SLC25A17: variants seen among roughly 807,000 people sequenced by gnomAD.
The protein encoded by SLC25A17 is peroxisomal membrane protein PMP34.
SLC25A17 carries 26 observed loss-of-function variants against 38.5 expected under a neutral mutation model. The ratio of observed to expected loss-of-function variants is 0.68; its 90% CI spans 0.50 to 0.94. The LOEUF (loss-of-function observed/expected upper bound fraction) is 0.94, where lower values mean the gene tolerates loss of function less well. Ranked by LOEUF, SLC25A17 falls within the 40% of genes least tolerant of loss-of-function variation. The pLI, the probability that SLC25A17 is intolerant of heterozygous loss-of-function variation, is 0.00. For missense variants in SLC25A17, 333 were observed against 372.7 expected (o/e 0.89, Z 0.88); for synonymous variants, 139 against 136.2 (o/e 1.02, Z -0.14).
chr22:40,792,702 G>C (rs1051498613), intron 3 of SLC25A17, 26 bp from the exon 4 acceptor site: 1 of 1,611,936 alleles, frequency 6.2e-7, no homozygotes, highest in Non-Finnish European at 8.5e-7. Flanking sequence ...AATAAGCAAA[G>C]TAAAGGTCAT....
chr22:40,819,175 G>A lies in SLC25A17; in HGVS notation c.54+20C>T. On this transcript the variant is annotated intron_variant, in intron 1 of 8. Coordinates refer to ENST00000435456, the MANE Select transcript of SLC25A17 (RefSeq NM_006358.4). ...AGCCTTATAACCCGTTGCGGCCCGG[G>A]CGTAAAGACCCCGTCTCACCACGGC... is the stretch of plus-strand genomic sequence containing the variant. 6.2e-7 allele frequency: 1 copy of A among 1,613,256 alleles called. No homozygotes were observed. The highest frequency in any genetic ancestry group is 1.7e-5 in the Admixed American group (1 of 60,018).
At chr22:40,801,156 TATATATATATA>T (rs1319824080) in intron 1 of SLC25A17, among the ~76,000 whole-genome samples, 2 of 133,288 alleles carry the variant, frequency 1.5e-5, no homozygotes, top group Non-Finnish European at 3.1e-5. Flanking sequence ...TATATATATA[TATATATATATA>T]TGTAAATGAT....
intron 1 of SLC25A17, among the ~76,000 whole-genome samples, chr22:40,804,077 G>T (rs2057508027): frequency 6.6e-6 from 1 of 152,118 alleles, no homozygotes; most frequent in South Asian, 2.1e-4. Flanking sequence ...ACTGGGTTCT[G>T]CTTTCCTTAT....
At chr22:40,788,768 G>A (rs374236356) in intron 4 of SLC25A17, 35 of 245,964 alleles carry the variant, frequency 1.4e-4, no homozygotes, top group African/African-American at 4.8e-4. Context: ...TAAATAATAT[G>A]ATTTTTCATC....
rs867938295 is a variant in SLC25A17 at position 40,809,193 on chromosome 22, G to C, written c.54+10002C>G. Among the ~76,000 whole-genome samples the C allele has an allele frequency of 2.6e-5, 4 of 151,732 alleles. No individual in the cohort carries two copies. The South Asian group carries it at 8.3e-4, about 32-fold the overall frequency. ...TAATGTATTTTTAATGATTTTTAAT[G>C]AATTAACAAATATCTTGGCCGGGCT... On this transcript the variant is annotated intron_variant, in intron 1 of 8. Transcript: ENST00000435456.
Position 40,789,469 on chromosome 22 carries a change from T to C in SLC25A17, c.334+3056A>G, listed in dbSNP as rs2057366550. 6.6e-6 allele frequency among the ~76,000 whole-genome samples: 1 copy of C among 152,120 alleles called. No individual in the cohort carries two copies. The highest frequency in any genetic ancestry group is 6.5e-5 in the Admixed American group (1 of 15,272). On this transcript the variant is annotated intron_variant, in intron 4 of 8. Coordinates refer to ENST00000435456, the MANE Select transcript of SLC25A17 (RefSeq NM_006358.4). The surrounding 1 kb of genome is among the most constrained non-coding windows in gnomAD (Gnocchi z 4.5). ...GGGTCTCCCAACCATTTTCATTTTCTTTCTTTCCTTCTTTCCCTACCTTTT... is the reference window on the plus strand; with the variant it reads ...GGGTCTCCCAACCATTTTCATTTTCCTTCTTTCCTTCTTTCCCTACCTTTT...
At chr22:40,810,483 G>T (rs2057570379) in intron 1 of SLC25A17, among the ~76,000 whole-genome samples, 1 of 151,912 alleles carries the variant, frequency 6.6e-6, no homozygotes, top group South Asian at 2.1e-4. Flanking sequence ...GAGTAGCTGG[G>T]ATTACAGGCA....
chr22:40,773,271 G>A (rs755669412), intron 8 of SLC25A17, among the ~76,000 whole-genome samples: 4 of 151,024 alleles, frequency 2.6e-5, no homozygotes, highest in African/African-American at 7.4e-5. Flanking sequence ...TGAGCCAGGC[G>A]TGGTGGCAGG....
chr22:40,777,154 A>G lies in SLC25A17; in HGVS notation c.598-19T>C, dbSNP rs1329314872. On this transcript the variant is annotated intron_variant, in intron 6 of 8. Transcript: ENST00000435456. ...AAGAAAGCTGGAAAGCAAAGGAAGA[A>G]CAAACCATATCAATCAAGTCAACAA... The G allele has an allele frequency of 6.2e-7, 1 of 1,614,102 alleles. No individual in the cohort carries two copies. Among genetic ancestry groups the G allele is most frequent in the East Asian group, 2.2e-5 (1 of 44,886 alleles).
Position 40,819,317 on chromosome 22 carries a change from G to C in SLC25A17, c.-69C>G. ...GCCGCAGCCAGTGGAGTTAGGAAAGGAGCACCGGAGCTCAGGGTGTGAGAG... is the reference window on the plus strand; with the variant it reads ...GCCGCAGCCAGTGGAGTTAGGAAAGCAGCACCGGAGCTCAGGGTGTGAGAG... On this transcript the variant is annotated 5_prime_UTR_variant, in exon 1 of 9. Transcript: ENST00000435456. 6.5e-7 allele frequency: 1 copy of C among 1,526,768 alleles called. No individual in the cohort carries two copies. The highest frequency in any genetic ancestry group is 9.0e-7 in the Non-Finnish European group (1 of 1,116,232). The allele number at this position is 1,526,768 out of a possible 1,614,324, so 94.6% of individuals were successfully genotyped here.
chr22:40,789,945 A>G lies in SLC25A17; in HGVS notation c.334+2580T>C, dbSNP rs1315831803. On this transcript the variant is annotated intron_variant, in intron 4 of 8. Coordinates refer to ENST00000435456, the MANE Select transcript of SLC25A17 (RefSeq NM_006358.4). This position sits in a 1 kb window ranked among gnomAD's most constrained non-coding sequence, Gnocchi z 4.5. The stretch of plus-strand genomic sequence containing the variant: ...GGTGAGCCACCACACCTGGCCTTGG[A>G]CCATTTTCTGACAAGACAACAGATG... Among the ~76,000 whole-genome samples, 1 of 151,818 alleles carries G rather than the reference A, an allele frequency of 6.6e-6. No individual in the cohort carries two copies. Among genetic ancestry groups the G allele is most frequent in the Non-Finnish European group, 1.5e-5 (1 of 67,968 alleles).
At chr22:40,779,998 G>C (rs2057280613) in intron 4 of SLC25A17, 2 of 152,394 alleles carry the variant, frequency 1.3e-5, no homozygotes, top group African/African-American at 4.8e-5. Flanking sequence ...AACAAATGAA[G>C]CAATGAACAA....
At chr22:40,818,900 A>C (rs1161999384) in intron 1 of SLC25A17, among the ~76,000 whole-genome samples, 1 of 151,788 alleles carries the variant, frequency 6.6e-6, no homozygotes, top group Non-Finnish European at 1.5e-5. Context: ...GTGCGGTGGT[A>C]GCCTGACCTT....
At chr22:40,781,496 C>G (rs3888466) in intron 4 of SLC25A17, among the ~76,000 whole-genome samples, 1 of 151,832 alleles carries the variant, frequency 6.6e-6, no homozygotes, top group East Asian at 2.0e-4. Flanking sequence ...CCGCCCGCCT[C>G]GGCCTCTCAA....
intron 1 of SLC25A17, among the ~76,000 whole-genome samples, chr22:40,810,509 G>A (rs886124531): frequency 2.0e-5 from 3 of 151,860 alleles, no homozygotes; most frequent in South Asian, 2.1e-4. Context: ...CACTACGCCC[G>A]GCTGATTTTG....
intron 1 of SLC25A17, among the ~76,000 whole-genome samples, chr22:40,802,645 C>CA (rs199800471): frequency 0.025 from 3,682 of 149,834 alleles, 71 homozygotes; most frequent in Non-Finnish European, 0.038. Context: ...AACTCCTTCT[C>CA]AAAAAAAAAG....
chr22:40,791,856 C>G (rs900257374), intron 4 of SLC25A17, among the ~76,000 whole-genome samples: 1 of 152,048 alleles, frequency 6.6e-6, no homozygotes, highest in African/African-American at 2.4e-5. Context: ...GAACAGAATT[C>G]CAAATGATCC....
chr22:40,814,781 ATATATATATTG>A (rs2057619842), intron 1 of SLC25A17, among the ~76,000 whole-genome samples: 1 of 70,088 alleles, frequency 1.4e-5, no homozygotes, highest in African/African-American at 7.1e-5. Context: ...ATATATATAT[ATATATATATTG>A]TTGTTGTTGT....
intron 4 of SLC25A17, among the ~76,000 whole-genome samples, chr22:40,787,739 G>A (rs1310593887): frequency 1.3e-5 from 2 of 150,538 alleles, no homozygotes; most frequent in African/African-American, 2.5e-5. Context: ...TACTGTCTTC[G>A]ACAACAACAA....
Sources: allele counts gnomAD v4.1 joint callset (sites outside exome capture counted in the v4.1 genomes callset), GRCh38; gene constraint gnomAD v4.1.1; non-coding constraint Gnocchi (gnomAD v3.1); transcripts MANE v1.5; gene names NCBI Gene and HGNC (gene_info 2026-07-23, HGNC 2026-07-21).